The following SASH3 variants were observed in gnomAD, a reference collection of about 807,000 sequenced individuals.
SASH3 encodes the protein SAM and SH3 domain containing 3, also known as SAM and SH3 domain-containing protein 3.
In SASH3, 7 loss-of-function variants were observed where a neutral mutation model predicts 26.1. The observed-to-expected ratio is 0.27, with a 90% CI of 0.15 to 0.50. The LOEUF (loss-of-function observed/expected upper bound fraction) is 0.50. Among genes scored for constraint, SASH3 ranks in the 20% least tolerant of loss-of-function variants. The probability of loss-of-function intolerance (pLI) is 0.98; values close to 1 mark genes in which losing one functional copy is unlikely to be tolerated. For missense variants in SASH3, 231 were observed against 318.3 expected (o/e 0.73, Z 2.09); for synonymous variants, 138 against 136.8 (o/e 1.01, Z -0.06).
chrX:129,782,514 A>G (rs935706338), intron 1 of SASH3, among the ~76,000 whole-genome samples: 2 of 112,190 alleles, frequency 1.8e-5, no homozygotes, highest in African/African-American at 6.5e-5. Flanking sequence ...TATTGTCATT[A>G]TCCCTATTTG....
At chrX:129,788,130 T>C in intron 2 of SASH3, 60 bp downstream of exon 2, 1 of 157,204 alleles carries the variant, frequency 6.4e-6, no homozygotes. Flanking sequence ...GGGGTGGGGG[T>C]GGGAGGGAAG....
Position 129,793,701 on chromosome X carries a change from G to C in SASH3, c.1012G>C (p.Val338Leu). 1 of 1,212,350 alleles carries C rather than the reference G, an allele frequency of 8.2e-7. No homozygotes were observed. Among genetic ancestry groups the C allele is most frequent in the Non-Finnish European group, 1.1e-6 (1 of 895,560 alleles). The change falls in exon 8 of 8, where the codon GTG (valine) becomes CTG (leucine). Residue 338 changes from valine (V) to leucine (L), a missense_variant. Coordinates refer to ENST00000356892, the MANE Select transcript of SASH3 (RefSeq NM_018990.4). Reference sequence around the variant, plus strand: ...CAGCCAGGAGCCAGTGGCACACACAGTGTCGGAACCCAAGGTGGACATCCC... The same window carrying C: ...CAGCCAGGAGCCAGTGGCACACACACTGTCGGAACCCAAGGTGGACATCCC... ...ESSQEPVAHT[V>L]SEPKVDIPRD...
intron 3 of SASH3, 146 bp downstream of exon 3, chrX:129,788,723 C>T: frequency 1.7e-6 from 1 of 598,989 alleles, no homozygotes; most frequent in South Asian, 3.4e-5. Flanking sequence ...GGAGGGGAAA[C>T]TCACTTGCAG....
chrX:129,791,097 G>C lies in SASH3; in HGVS notation c.442+16G>C. The C allele has an allele frequency of 7.5e-6, 9 of 1,204,542 alleles. No individual in the cohort carries two copies. Among genetic ancestry groups the C allele is most frequent in the Non-Finnish European group, 1.0e-5 (9 of 890,749 alleles). ...GCATCAACAGGTGAGTAGGGGATGC[G>C]GGGGACACCTGCCGAATCTGGAGGA... On this transcript the variant is annotated intron_variant, in intron 4 of 7. Transcript: ENST00000356892.
chrX:129,790,906 G>C (rs1238522102), intron 3 of SASH3, 34 bp from the exon 4 acceptor site: 3 of 1,199,283 alleles, frequency 2.5e-6, no homozygotes, highest in Non-Finnish European at 3.4e-6. Flanking sequence ...CCCCAGCAAG[G>C]CTCCTTAAAG....
In SASH3 at chrX:129,782,628, A is replaced by AC. The variant is rs1270495710; in HGVS notation, c.57+2478dup. Reference sequence around the variant, plus strand: ...AGATTTGTCTGACTCCAGAATCTTGACCCCTTCTCTCTCCACTCTCTTGTC... The same window carrying AC: ...AGATTTGTCTGACTCCAGAATCTTGACCCCCTTCTCTCTCCACTCTCTTGTC... On this transcript the variant is annotated intron_variant, in intron 1 of 7. Coordinates refer to ENST00000356892, the MANE Select transcript of SASH3 (RefSeq NM_018990.4). Among the ~76,000 whole-genome samples the AC allele has an allele frequency of 5.4e-5, 6 of 112,001 alleles. No homozygotes were observed. The East Asian group carries it at 1.1e-3, about 21-fold the overall frequency.
rs778404296 is a variant in SASH3 at position 129,791,140 on chromosome X, C to T, written c.442+59C>T. ...CTGGAGGAAAGGACTGGGTTACAGC[C>T]GTGCTGGTGGCACACTGTCTGGGCG... On this transcript the variant is annotated intron_variant, in intron 4 of 7. Transcript: ENST00000356892. 1.1e-4 allele frequency: 128 copies of T among 1,132,032 alleles called. No homozygotes were observed. In the African/African-American group the frequency reaches 1.6e-3, roughly 14 times the overall value. The allele number at this position is 1,132,032 out of a possible 1,213,427, so 93.3% of individuals were successfully genotyped here.
At position 129,790,920 on chromosome X, in the gene SASH3, C is replaced by T; in HGVS notation, c.301-20C>T. On this transcript the variant is annotated intron_variant, in intron 3 of 7. Coordinates refer to ENST00000356892, the MANE Select transcript of SASH3 (RefSeq NM_018990.4). ...ACCCCAGCAAGGCTCCTTAAAGCTT[C>T]CCGCCTACCCTCCCTGCAGGCAGAC... The T allele has an allele frequency of 8.3e-7, 1 of 1,206,861 alleles. No individual in the cohort carries two copies. Among genetic ancestry groups the T allele is most frequent in the South Asian group, 1.8e-5 (1 of 56,233 alleles).
chrX:129,781,790 A>G (rs1719598977), intron 1 of SASH3, among the ~76,000 whole-genome samples: 1 of 112,033 alleles, frequency 8.9e-6, no homozygotes, highest in South Asian at 3.7e-4. Context: ...CGGGGAGAGT[A>G]GTCCAGGCAA....
At position 129,793,835 on chromosome X, in the gene SASH3, T is replaced by A. The variant is rs778728565; in HGVS notation, c.*3T>A. On this transcript the variant is annotated 3_prime_UTR_variant, in exon 8 of 8. Coordinates refer to ENST00000356892, the MANE Select transcript of SASH3 (RefSeq NM_018990.4). ...TCTCCCTGGCCGGGGCACCTTGAGG[T>A]GGCGGTGGCAATAGGCCAAGGCTGG... The A allele has an allele frequency of 8.5e-7, 1 of 1,173,651 alleles. No homozygotes were observed. Among genetic ancestry groups the A allele is most frequent in the Non-Finnish European group, 1.1e-6 (1 of 875,678 alleles).
At position 129,794,411 on chromosome X, in the gene SASH3, G is replaced by A. The variant is rs1262600489; in HGVS notation, c.*579G>A. On this transcript the variant is annotated 3_prime_UTR_variant, in exon 8 of 8. Transcript: ENST00000356892. ...TAGAGGTTTGGCCACTAAATCTTATGAGACTTGAACCAAGTGGCTTCCTCT... is the reference window on the plus strand; with the variant it reads ...TAGAGGTTTGGCCACTAAATCTTATAAGACTTGAACCAAGTGGCTTCCTCT... 2 of 112,889 alleles carry A rather than the reference G, an allele frequency of 1.8e-5. No homozygotes were observed. The highest frequency in any genetic ancestry group is 6.5e-5 in the African/African-American group (2 of 30,797). The allele number at this position is 112,889 out of a possible 1,213,427, so 9.3% of individuals were successfully genotyped here. A position where few individuals can be genotyped will look rare whatever the true frequency, so the allele number is the denominator to read the frequency against.
In SASH3 at chrX:129,794,080, G is replaced by A. The variant is rs1016157864; in HGVS notation, c.*248G>A. 1.7e-4 allele frequency: 64 copies of A among 379,162 alleles called. No homozygotes were observed. The highest frequency in any genetic ancestry group is 3.3e-4 in the African/African-American group (13 of 39,933). 31.2% of individuals were successfully genotyped at this position (379,162 alleles called of 1,213,427 possible). ...CCGCCCTCCACCAGCGACTGACAGC[G>A]CAGCCCCTCCTGGCACCAACTGCTC... On this transcript the variant is annotated 3_prime_UTR_variant, in exon 8 of 8. Coordinates refer to ENST00000356892, the MANE Select transcript of SASH3 (RefSeq NM_018990.4).
intron 1 of SASH3, among the ~76,000 whole-genome samples, chrX:129,780,505 A>ACTAT (rs1371916005): frequency 8.9e-6 from 1 of 112,675 alleles, no homozygotes; most frequent in African/African-American, 3.2e-5. Flanking sequence ...CTTGTACTTA[A>ACTAT]CTATCTCTCC....
At chrX:129,788,137 G>GGGGGGGGGGGGGGGGGTTGGC in intron 2 of SASH3, 67 bp downstream of exon 2, 1 of 354,276 alleles carries the variant, frequency 2.8e-6, no homozygotes, top group Non-Finnish European at 5.4e-6. Flanking sequence ...GGGTGGGAGG[G>GGGGGGGGGGGGGGGGGTTGGC]AAGAGGGTGA....
Position 129,793,111 on chromosome X carries a change from G to T in SASH3, c.924G>T (p.Thr308=). The T allele has an allele frequency of 5.0e-6, 6 of 1,211,719 alleles. No homozygotes were observed. Among genetic ancestry groups the T allele is most frequent in the African/African-American group, 1.7e-5 (1 of 57,746 alleles). ...CACAGCACCGGGCCAAGCTGCTCAC[G>T]GCCGCCGAGCTGCTGCTGGACTATG... is the stretch of plus-strand genomic sequence containing the variant. The part of the protein sequence containing the change: ...MDPQHRAKLL[T]AAELLLDYDT... The change falls in exon 7 of 8, where the codon ACG becomes ACT. Residue 308 remains threonine (T), a synonymous_variant. Coordinates refer to ENST00000356892, the MANE Select transcript of SASH3 (RefSeq NM_018990.4).
intron 1 of SASH3, among the ~76,000 whole-genome samples, chrX:129,784,558 A>T (rs1275994022): frequency 1.8e-5 from 2 of 111,870 alleles, no homozygotes; most frequent in Non-Finnish European, 3.8e-5. Flanking sequence ...CAACAGCCAG[A>T]TGAGGTCGGT....
chrX:129,787,975 C>T lies in SASH3; in HGVS notation c.58C>T (p.Leu20Phe). 1 of 1,208,458 alleles carries T rather than the reference C, an allele frequency of 8.3e-7. No homozygotes were observed. The highest frequency in any genetic ancestry group is 1.8e-5 in the South Asian group (1 of 56,768). The change falls in exon 2 of 8, where the codon CTC (leucine) becomes TTC (phenylalanine). Residue 20 changes from leucine to phenylalanine, a missense_variant and splice_region_variant. By Grantham distance (22) the Leu-to-Phe change is conservative. Coordinates refer to ENST00000356892, the MANE Select transcript of SASH3 (RefSeq NM_018990.4). ...SEKEPTQKKK[L>F]SLQRSSSFKD... ...ATTGCAACACCCACCCTTTTTCCAG[C>T]TCTCCCTTCAGCGCTCCAGCAGCTT...
At chrX:129,782,069 C>T (rs943102747) in intron 1 of SASH3, among the ~76,000 whole-genome samples, 1 of 112,280 alleles carries the variant, frequency 8.9e-6, no homozygotes, top group East Asian at 2.8e-4. Context: ...TCCTCTTGGG[C>T]CTGCCAATGG....
chrX:129,792,723 G>A lies in SASH3; in HGVS notation c.688G>A (p.Asp230Asn), dbSNP rs1927253532. Residue 230 changes from aspartate to asparagine, a missense_variant, in exon 6 of 8, where the codon GAT (aspartate) becomes AAT (asparagine). Physicochemically the swap from Asp to Asn is conservative, Grantham distance 23. Coordinates refer to ENST00000356892, the MANE Select transcript of SASH3 (RefSeq NM_018990.4). ...KVGSFKFIYV[D>N]VLPEEAVGHA... ...GGGCTCTTTCAAATTCATCTATGTG[G>A]ATGTGCTGCCCGAGGAGGCCGTGGG... 3 of 1,209,652 alleles carry A rather than the reference G, an allele frequency of 2.5e-6. No individual in the cohort carries two copies. The highest frequency in any genetic ancestry group is 3.4e-6 in the Non-Finnish European group (3 of 895,286).
Sources: allele counts gnomAD v4.1 joint callset (sites outside exome capture counted in the v4.1 genomes callset), GRCh38; gene constraint gnomAD v4.1.1; transcripts MANE v1.5; gene names NCBI Gene and HGNC (gene_info 2026-07-23, HGNC 2026-07-21).